PCDHGA1: variants seen among roughly 807,000 people sequenced by gnomAD.
The protein encoded by PCDHGA1 is protocadherin gamma-A1.
Under a neutral mutation model 58.0 loss-of-function variants are expected in PCDHGA1, and 32 were observed. That is an observed-to-expected ratio of 0.55 (90% CI 0.42 to 0.74). The LOEUF is 0.74. Among genes scored for constraint, PCDHGA1 ranks in the 30% least tolerant of loss-of-function variants. The pLI is 0.00. For missense variants in PCDHGA1, 1,205 were observed against 1,182.3 expected, an observed-to-expected ratio of 1.02 and a Z score of -0.28; for synonymous variants, 498 against 501.1, an observed-to-expected ratio of 0.99 and a Z score of 0.08.
intron 1 of PCDHGA1, chr5:141,426,648 A>G (rs1224402025): frequency 2.4e-6 from 1 of 418,088 alleles, no homozygotes; most frequent in Non-Finnish European, 4.9e-6. Flanking sequence ...AAATGTGATG[A>G]TAGAAGATAT....
intron 1 of PCDHGA1, chr5:141,400,321 G>T (rs190006023): frequency 1.9e-6 from 3 of 1,614,064 alleles, no homozygotes; most frequent in East Asian, 2.2e-5. Context: ...TGTCAAGTCT[G>T]GACCTGTGGT....
Position 141,350,643 on chromosome 5 carries a change from C to T in PCDHGA1, c.2421+17538C>T, listed in dbSNP as rs76289268. 4.5e-4 allele frequency: 728 copies of T among 1,613,956 alleles called. 1 individual carries two copies. In the East Asian group the frequency reaches 0.011, roughly 24 times the overall value. On this transcript the variant is annotated intron_variant, in intron 1 of 3. Coordinates refer to ENST00000517417, the MANE Select transcript of PCDHGA1 (RefSeq NM_018912.3). ...ATCCAAGATATTAATGACAATGCAC[C>T]ACGTTTCGTTGCAAAAGGCATTGAC...
At chr5:141,371,558 A>G in intron 1 of PCDHGA1, 1 of 1,613,764 alleles carries the variant, frequency 6.2e-7, no homozygotes, top group Non-Finnish European at 8.5e-7. Context: ...AACTAAAAGG[A>G]AACTTCCCCT....
intron 1 of PCDHGA1, among the ~76,000 whole-genome samples, chr5:141,425,485 A>G (rs2096878362): frequency 6.6e-6 from 1 of 152,274 alleles, no homozygotes; most frequent in Non-Finnish European, 1.5e-5. Context: ...ATGGCAACCT[A>G]CTAGGCTATA....
At position 141,372,541 on chromosome 5, in the gene PCDHGA1, G is replaced by C. The variant is rs376822583; in HGVS notation, c.2421+39436G>C. Reference sequence around the variant, plus strand: ...ATTCTGGCAATCTCCCTGCGCCTGCGATGCTCCTCCAGACCCGCCACTGAG... The same window carrying C: ...ATTCTGGCAATCTCCCTGCGCCTGCCATGCTCCTCCAGACCCGCCACTGAG... On this transcript the variant is annotated intron_variant, in intron 1 of 3. Transcript: ENST00000517417. 2.5e-6 allele frequency: 4 copies of C among 1,613,980 alleles called. No individual in the cohort carries two copies. The South Asian group carries it at 4.4e-5, about 18-fold the overall frequency.
chr5:141,336,014 A>G (rs1173501542), intron 1 of PCDHGA1, among the ~76,000 whole-genome samples: 1 of 152,240 alleles, frequency 6.6e-6, no homozygotes, highest in Non-Finnish European at 1.5e-5. Context: ...ATTATTTAAA[A>G]TACATGAATT....
chr5:141,332,979 G>A lies in PCDHGA1; in HGVS notation c.2295G>A (p.Lys765=), dbSNP rs763087236. Residue 765 remains lysine, a synonymous_variant, in exon 1 of 4, where the codon AAG becomes AAA. Coordinates refer to ENST00000517417, the MANE Select transcript of PCDHGA1 (RefSeq NM_018912.3). This position sits in a 1 kb window ranked among gnomAD's most constrained non-coding sequence, Gnocchi z 4.6. The stretch of plus-strand genomic sequence containing the variant: ...TCTCCCTCACTGCGGACTCGCGGAA[G>A]AGCCACCTGATTTTCCCCCAGCCCA... ...HEVSLTADSR[K]SHLIFPQPNY... 3 of 1,614,088 alleles carry A rather than the reference G, an allele frequency of 1.9e-6. No individual in the cohort carries two copies. The highest frequency in any genetic ancestry group is 1.3e-5 in the African/African-American group (1 of 74,936).
intron 1 of PCDHGA1, chr5:141,413,140 A>G: frequency 1.3e-6 from 2 of 1,563,150 alleles, no homozygotes; most frequent in Non-Finnish European, 1.7e-6. Context: ...CAACGTGTCC[A>G]GTGAGGACTT....
chr5:141,426,085 C>T (rs1315114723), intron 1 of PCDHGA1, among the ~76,000 whole-genome samples: 7 of 152,148 alleles, frequency 4.6e-5, no homozygotes, highest in Non-Finnish European at 8.8e-5. Flanking sequence ...TCTACCAGGA[C>T]GATATTCTGT....
chr5:141,406,757 A>C (rs1274112027), intron 1 of PCDHGA1, among the ~76,000 whole-genome samples: 3 of 152,230 alleles, frequency 2.0e-5, no homozygotes, highest in Non-Finnish European at 4.4e-5. Context: ...CAAAACAAGG[A>C]ATTAAAAATA....
At chr5:141,411,059 C>T (rs1384816111) in intron 1 of PCDHGA1, 1 of 156,328 alleles carries the variant, frequency 6.4e-6, no homozygotes, top group African/African-American at 2.4e-5. Context: ...ACTATGTCGA[C>T]CAGGCTGTTC....
At chr5:141,430,715 A>T in intron 1 of PCDHGA1, 1 of 1,483,384 alleles carries the variant, frequency 6.7e-7, no homozygotes, top group Non-Finnish European at 8.9e-7. Context: ...TCCTGACTTC[A>T]GTGGTTAAGG....
intron 1 of PCDHGA1, chr5:141,403,468 C>G: frequency 6.2e-7 from 1 of 1,614,054 alleles, no homozygotes; most frequent in Non-Finnish European, 8.5e-7. Flanking sequence ...GCTACCAGCT[C>G]AGCCCCAATC....
In PCDHGA1 at chr5:141,455,477, C is replaced by T. The variant is rs557286491; in HGVS notation, c.2422-39330C>T. On this transcript the variant is annotated intron_variant, in intron 1 of 3. Coordinates refer to ENST00000517417, the MANE Select transcript of PCDHGA1 (RefSeq NM_018912.3). ...TACCAGCCAGGTATATATGCAGAGG[C>T]TGGTGGAGGTGATGTCTGATTTGCA... Among the ~76,000 whole-genome samples the T allele has an allele frequency of 1.2e-4, 18 of 152,252 alleles. No homozygotes were observed. The South Asian group carries it at 3.7e-3, about 32-fold the overall frequency.
In PCDHGA1 at chr5:141,428,992, C is replaced by A. The variant is rs986416866; in HGVS notation, c.2422-65815C>A. The A allele has an allele frequency of 1.3e-4, 20 of 152,092 alleles. 1 individual carries two copies. Among genetic ancestry groups the A allele is most frequent in the Admixed American group, 1.2e-3 (18 of 15,248 alleles). 9.4% of individuals were successfully genotyped at this position (152,092 alleles called of 1,614,324 possible). On this transcript the variant is annotated intron_variant, in intron 1 of 3. Transcript: ENST00000517417. Reference sequence around the variant, plus strand: ...GCCTCAGCCTCCCGGGTAGCTGGGACTACAGGCGCCCGCCACCACGCCCGG... The same window carrying A: ...GCCTCAGCCTCCCGGGTAGCTGGGAATACAGGCGCCCGCCACCACGCCCGG...
intron 1 of PCDHGA1, chr5:141,423,577 G>A (rs1348410879): frequency 6.2e-7 from 1 of 1,613,478 alleles, no homozygotes; most frequent in Non-Finnish European, 8.5e-7. Context: ...CATCAGCCAG[G>A]AGAGCTGTGA....
chr5:141,485,229 T>G lies in PCDHGA1; in HGVS notation c.2422-9578T>G, dbSNP rs2099609870. ...ATCTGGCGGTGGGCTACCCTTTTGT[T>G]CCTCTTTTACCACCTGGGTTACGTT... is the stretch of plus-strand genomic sequence containing the variant. On this transcript the variant is annotated intron_variant, in intron 1 of 3. Coordinates refer to ENST00000517417, the MANE Select transcript of PCDHGA1 (RefSeq NM_018912.3). The surrounding 1 kb of genome is among the most constrained non-coding windows in gnomAD (Gnocchi z 5.7). 6.2e-7 allele frequency: 1 copy of G among 1,614,042 alleles called. No individual in the cohort carries two copies. The highest frequency in any genetic ancestry group is 8.5e-7 in the Non-Finnish European group (1 of 1,180,030).
At chr5:141,478,090 C>T in intron 1 of PCDHGA1, 2 of 1,614,108 alleles carry the variant, frequency 1.2e-6, no homozygotes, top group Non-Finnish European at 1.7e-6. Flanking sequence ...CGCTCTCCAC[C>T]ACTGCTACCC....
At chr5:141,367,105 T>G (rs1303290494) in intron 1 of PCDHGA1, 2 of 234,148 alleles carry the variant, frequency 8.5e-6, no homozygotes, top group East Asian at 2.4e-4. Flanking sequence ...AGTGTCTGCC[T>G]AGACACCATT....
Sources: gnomAD v4.1 joint callset for allele counts (sites outside exome capture counted in the v4.1 genomes callset) on GRCh38, gnomAD v4.1.1 for gene constraint, Gnocchi (gnomAD v3.1) non-coding constraint, MANE v1.5 for transcripts, NCBI Gene and HGNC (gene_info 2026-07-23, HGNC 2026-07-21) for gene names.